Variants in CAMTA1 observed in about 807,000 individuals in gnomAD.
The protein encoded by CAMTA1 is calmodulin binding transcription activator 1.
In CAMTA1, 27 loss-of-function variants were observed where a neutral mutation model predicts 170.9. The observed-to-expected ratio is 0.16, with a 90% CI of 0.12 to 0.22. The LOEUF (loss-of-function observed/expected upper bound fraction) is 0.22, where lower values mean the gene tolerates loss of function less well. Ranked by LOEUF, CAMTA1 falls within the 10% of genes least tolerant of loss-of-function variation. The pLI, the probability that CAMTA1 is intolerant of heterozygous loss-of-function variation, is 1.00. For synonymous variants in CAMTA1, 833 were observed against 891.5 expected, an observed-to-expected ratio of 0.93 and a Z score of 1.17; for missense variants, 1,619 against 2,217.2, an observed-to-expected ratio of 0.73 and a Z score of 5.42.
rs140005673 is a variant in CAMTA1 at position 7,224,946 on chromosome 1, C to A, written c.303-24545C>A. On this transcript the variant is annotated intron_variant, in intron 4 of 22. Transcript: ENST00000303635. This position sits in a 1 kb window ranked among gnomAD's most constrained non-coding sequence, Gnocchi z 5.2. ...GCCGCAGCCAGCAGATGGCAGAAAG[C>A]GCCTTGACCCCATCGTCTAGTGTCT... Among the ~76,000 whole-genome samples the A allele has an allele frequency of 4.1e-3, 625 of 152,324 alleles. 2 individuals are homozygous for A. The highest frequency in any genetic ancestry group is 6.1e-3 in the Non-Finnish European group (413 of 68,024).
intron 4 of CAMTA1, among the ~76,000 whole-genome samples, chr1:7,132,435 C>G (rs1045494491): frequency 6.6e-6 from 1 of 152,126 alleles, no homozygotes; most frequent in Non-Finnish European, 1.5e-5. Flanking sequence ...TCACCATGCT[C>G]GGCTGATTTT....
intron 3 of CAMTA1, among the ~76,000 whole-genome samples, chr1:6,997,557 C>A (rs999061408): frequency 6.6e-6 from 1 of 151,770 alleles, no homozygotes; most frequent in Non-Finnish European, 1.5e-5. Context: ...GTTATTAGTT[C>A]TTCATACAGA....
At chr1:6,837,617 C>T (rs188066254) in intron 3 of CAMTA1, among the ~76,000 whole-genome samples, 7 of 152,288 alleles carry the variant, frequency 4.6e-5, no homozygotes, top group African/African-American at 1.7e-4. Context: ...TTTTTCCTGA[C>T]ACATCTTTCA....
chr1:6,906,021 T>G (rs1323741141), intron 3 of CAMTA1, among the ~76,000 whole-genome samples: 1 of 152,242 alleles, frequency 6.6e-6, no homozygotes, highest in Admixed American at 6.5e-5. Context: ...GTGGGAACTC[T>G]GAGGCTCTGG....
At chr1:7,290,682 C>A (rs899511979) in intron 5 of CAMTA1, among the ~76,000 whole-genome samples, 1 of 152,044 alleles carries the variant, frequency 6.6e-6, no homozygotes, top group Non-Finnish European at 1.5e-5. Context: ...CTTGCTGCGA[C>A]GTAAATTATT....
chr1:7,262,570 A>C (rs1222442847), intron 5 of CAMTA1, among the ~76,000 whole-genome samples: 2 of 152,184 alleles, frequency 1.3e-5, no homozygotes, highest in Non-Finnish European at 2.9e-5. Context: ...CTCAAAAAAA[A>C]GTCTTAAATT....
chr1:7,468,636 G>T (rs1191053380), intron 6 of CAMTA1, among the ~76,000 whole-genome samples: 1 of 152,250 alleles, frequency 6.6e-6, no homozygotes, highest in Non-Finnish European at 1.5e-5. Context: ...TTTTCAAAAT[G>T]CATCCTCTGA....
intron 6 of CAMTA1, among the ~76,000 whole-genome samples, chr1:7,520,451 G>A (rs1320596262): frequency 1.3e-5 from 2 of 150,802 alleles, no homozygotes; most frequent in Non-Finnish European, 3.0e-5. Flanking sequence ...GGGCCAGCAG[G>A]ATACAGCCTT....
chr1:7,653,705 A>T (rs1427658879), intron 7 of CAMTA1, among the ~76,000 whole-genome samples: 1 of 143,414 alleles, frequency 7.0e-6, no homozygotes, highest in Non-Finnish European at 1.5e-5. Context: ...TGAACCAATT[A>T]AAAAAAAAAG....
At position 6,887,902 on chromosome 1, in the gene CAMTA1, C is replaced by T. The variant is rs570231798; in HGVS notation, c.234+62692C>T. 36 of 1,374,836 alleles carry T rather than the reference C, an allele frequency of 2.6e-5. No homozygotes were observed. The highest frequency in any genetic ancestry group is 5.9e-5 in the African/African-American group (4 of 68,350). The allele number at this position is 1,374,836 out of a possible 1,614,324, so 85.2% of individuals were successfully genotyped here. A position where few individuals can be genotyped will look rare whatever the true frequency, so the allele number is the denominator to read the frequency against. ...TAAAGTGACCTACTCTTGCCTCATC[C>T]GGAGTTATTACGAAGGAGCTCCGCA... On this transcript the variant is annotated intron_variant, in intron 3 of 22. Transcript: ENST00000303635. This position sits in a 1 kb window ranked among gnomAD's most constrained non-coding sequence, Gnocchi z 4.1.
chr1:7,317,759 A>C (rs11120899), intron 5 of CAMTA1, among the ~76,000 whole-genome samples: 15,686 of 152,242 alleles, frequency 0.1, 2,596 homozygotes, highest in African/African-American at 0.35. Flanking sequence ...GCCCTGGGCA[A>C]CTTAACAAGG....
chr1:7,548,650 G>C (rs1027423343), intron 6 of CAMTA1, among the ~76,000 whole-genome samples: 3 of 146,782 alleles, frequency 2.0e-5, no homozygotes, highest in Non-Finnish European at 3.0e-5. Context: ...TGCTGGTGGA[G>C]GGTGCCCCCT....
intron 1 of CAMTA1, among the ~76,000 whole-genome samples, chr1:6,799,130 C>G (rs1643308434): frequency 6.6e-6 from 1 of 152,106 alleles, no homozygotes; most frequent in Non-Finnish European, 1.5e-5. Context: ...GGCTAGAGTG[C>G]CATCACAGCT....
chr1:7,542,740 A>G (rs551122027), intron 6 of CAMTA1, among the ~76,000 whole-genome samples: 5 of 152,014 alleles, frequency 3.3e-5, no homozygotes, highest in African/African-American at 9.6e-5. Context: ...TGTTGGCCAG[A>G]CTGATCTTGA....
intron 4 of CAMTA1, among the ~76,000 whole-genome samples, chr1:7,204,275 AT>A (rs1657264414): frequency 6.6e-6 from 1 of 151,236 alleles, no homozygotes; most frequent in South Asian, 2.1e-4. Context: ...TTAATTTGAG[AT>A]TTTTCTTTCT....
At chr1:7,410,991 G>A (rs1319758915) in intron 5 of CAMTA1, among the ~76,000 whole-genome samples, 1 of 151,978 alleles carries the variant, frequency 6.6e-6, no homozygotes, top group African/African-American at 2.4e-5. Flanking sequence ...ATGTGTTTGT[G>A]TATGTGTGTG....
intron 5 of CAMTA1, among the ~76,000 whole-genome samples, chr1:7,409,792 C>T (rs1238674755): frequency 6.6e-6 from 1 of 152,172 alleles, no homozygotes; most frequent in African/African-American, 2.4e-5. Context: ...AGGGAAACCC[C>T]CAACTCCTCA....
At chr1:6,925,549 G>A (rs547384988) in intron 3 of CAMTA1, among the ~76,000 whole-genome samples, 27 of 152,208 alleles carry the variant, frequency 1.8e-4, no homozygotes, top group African/African-American at 5.5e-4. Context: ...TCCCCTCGGC[G>A]CCTTGGAGTA....
intron 6 of CAMTA1, among the ~76,000 whole-genome samples, chr1:7,601,834 G>T (rs1449456755): frequency 6.6e-6 from 1 of 152,046 alleles, no homozygotes; most frequent in Non-Finnish European, 1.5e-5. Flanking sequence ...GCAGGCACTC[G>T]GCAGGCTGAG....
Sources: gnomAD v4.1 joint callset for allele counts (sites outside exome capture counted in the v4.1 genomes callset) on GRCh38, gnomAD v4.1.1 for gene constraint, Gnocchi (gnomAD v3.1) non-coding constraint, MANE v1.5 for transcripts, NCBI Gene and HGNC (gene_info 2026-07-23, HGNC 2026-07-21) for gene names.